Variants in LRP1B observed in about 807,000 individuals in gnomAD.
The protein encoded by LRP1B is low-density lipoprotein receptor-related protein 1B.
A neutral mutation model predicts 556.6 loss-of-function variants in LRP1B; 217 were observed. That is an observed-to-expected ratio of 0.39 (90% CI 0.35 to 0.44). LRP1B has a LOEUF of 0.44. LRP1B is among the 20% of genes least tolerant of loss of function. The pLI is 1.00. For synonymous variants in LRP1B, 2,047 were observed against 1,865.8 expected (o/e 1.10, Z -2.50); for missense variants, 5,053 against 5,620.8 (o/e 0.90, Z 3.23).
intron 7 of LRP1B, among the ~76,000 whole-genome samples, chr2:141,108,334 CTTTTTTTTTTTTTTTT>C (rs60275697): frequency 3.4e-5 from 3 of 88,514 alleles, no homozygotes; most frequent in Non-Finnish European, 6.3e-5. Flanking sequence ...TAATCTGTTT[CTTTTTTTTTTTTTTTT>C]TTTTTTTTTT....
At chr2:140,863,995 G>C (rs1183588303) in intron 27 of LRP1B, among the ~76,000 whole-genome samples, 1 of 151,618 alleles carries the variant, frequency 6.6e-6, no homozygotes, top group East Asian at 2.0e-4. Context: ...TCTGCTTGCA[G>C]AATGCAGTGA....
intron 2 of LRP1B, among the ~76,000 whole-genome samples, chr2:141,697,639 A>T (rs1184784260): frequency 6.6e-6 from 1 of 151,964 alleles, no homozygotes; most frequent in Non-Finnish European, 1.5e-5. Context: ...ACCAGGATAG[A>T]TCCCATAAGC....
chr2:140,274,556 A>G lies in LRP1B; in HGVS notation c.13010T>C (p.Ile4337Thr), dbSNP rs760587883. 3.1e-6 allele frequency: 5 copies of G among 1,612,304 alleles called. No individual in the cohort carries two copies. Among genetic ancestry groups the G allele is most frequent in the East Asian group, 2.2e-5 (1 of 44,816 alleles). The change falls in exon 85 of 91, where the codon ATT (isoleucine) becomes ACT (threonine). Residue 4337 changes from isoleucine to threonine, a missense_variant. By Grantham distance (89) the Ile-to-Thr change is moderately conservative (BLOSUM62 -1). Coordinates refer to ENST00000389484, the MANE Select transcript of LRP1B (RefSeq NM_018557.3). ...HYCVNSESCTIGDDGSVECVC... is the reference protein window; with the variant it reads ...HYCVNSESCTTGDDGSVECVC... The stretch of plus-strand genomic sequence containing the variant: ...ACATTCAACACTTCCATCATCCCCA[A>G]TGGTACATGATTCAGAATTCACACA...
At chr2:140,656,042 T>C (rs1684870064) in intron 41 of LRP1B, among the ~76,000 whole-genome samples, 1 of 152,188 alleles carries the variant, frequency 6.6e-6, no homozygotes, top group Admixed American at 6.5e-5. Context: ...AAGTGGTACA[T>C]AGGGGATTCA....
chr2:141,163,072 G>T (rs1336623159), intron 7 of LRP1B, among the ~76,000 whole-genome samples: 1 of 152,046 alleles, frequency 6.6e-6, no homozygotes, highest in African/African-American at 2.4e-5. Context: ...GTTCCAGGGA[G>T]AATCAAGCCT....
chr2:140,245,993 T>G (rs1181407602), intron 87 of LRP1B, among the ~76,000 whole-genome samples: 1 of 151,324 alleles, frequency 6.6e-6, no homozygotes, highest in Non-Finnish European at 1.5e-5. Flanking sequence ...CTATTTTCCA[T>G]TTTTCAAAGA....
At chr2:140,672,461 G>C (rs1685519809) in intron 41 of LRP1B, among the ~76,000 whole-genome samples, 1 of 127,698 alleles carries the variant, frequency 7.8e-6, no homozygotes, top group Non-Finnish European at 1.6e-5. Context: ...TCCAGCCTGG[G>C]TGACAGAATG....
chr2:140,538,911 T>A (rs1680030403), intron 45 of LRP1B, among the ~76,000 whole-genome samples: 1 of 152,164 alleles, frequency 6.6e-6, no homozygotes, highest in Admixed American at 6.6e-5. Context: ...AAGATAAATA[T>A]GTTTTTTACA....
In LRP1B at chr2:141,859,719, T is replaced by C. The variant is rs1349739388; in HGVS notation, c.83-49318A>G. 4.6e-5 allele frequency among the ~76,000 whole-genome samples: 7 copies of C among 152,312 alleles called. No homozygotes were observed. The South Asian group carries it at 1.0e-3, about 23-fold the overall frequency. On this transcript the variant is annotated intron_variant, in intron 1 of 90. Transcript: ENST00000389484. ...TATAATAATTACTATGATTTGATCA[T>C]TACACAGTATACATGTAGCAAAACA... is the stretch of plus-strand genomic sequence containing the variant.
chr2:141,310,992 C>T (rs1001595749), intron 3 of LRP1B, among the ~76,000 whole-genome samples: 6 of 152,152 alleles, frequency 3.9e-5, no homozygotes, highest in Non-Finnish European at 7.4e-5. Context: ...ACTTGGTCAT[C>T]CTTTTTCTGA....
At chr2:141,319,047 G>T (rs555005219) in intron 3 of LRP1B, among the ~76,000 whole-genome samples, 31 of 152,076 alleles carry the variant, frequency 2.0e-4, no homozygotes, top group African/African-American at 7.5e-4. Context: ...AATTGTAAGA[G>T]ACCTAAAGTT....
At chr2:141,126,884 C>T (rs534902609) in intron 7 of LRP1B, among the ~76,000 whole-genome samples, 1 of 152,188 alleles carries the variant, frequency 6.6e-6, no homozygotes, top group South Asian at 2.1e-4. Flanking sequence ...TTAAATTATA[C>T]TTTAAGTTCT....
At chr2:141,533,929 C>A (rs1020945694) in intron 2 of LRP1B, among the ~76,000 whole-genome samples, 18 of 152,158 alleles carry the variant, frequency 1.2e-4, no homozygotes, top group South Asian at 6.2e-4. Context: ...TATTTTTCTT[C>A]CTAAATTTTC....
chr2:142,054,599 CAT>C (rs1704591971), intron 1 of LRP1B, among the ~76,000 whole-genome samples: 1 of 152,144 alleles, frequency 6.6e-6, no homozygotes, highest in African/African-American at 2.4e-5. Context: ...TACGATGACA[CAT>C]AGTCAAATTC....
rs762725143 is a variant in LRP1B at position 140,501,820 on chromosome 2, C to T, written c.8717G>A (p.Ser2906Asn). 3.1e-6 allele frequency: 5 copies of T among 1,611,886 alleles called. No individual in the cohort carries two copies. The highest frequency in any genetic ancestry group is 2.7e-5 in the African/African-American group (2 of 74,820). ...FMCKNGRCIP[S>N]GGLCDNKDDC... Reference sequence around the variant, plus strand: ...ATCCTTATTGTCGCAAAGACCTCCACTGGGAATGCACCTGCCATTTTTGCA... The same window carrying T: ...ATCCTTATTGTCGCAAAGACCTCCATTGGGAATGCACCTGCCATTTTTGCA... Residue 2906 changes from serine to asparagine, a missense_variant, in exon 55 of 91, where the codon AGT becomes AAT. Physicochemically the swap from Ser to Asn is conservative, Grantham distance 46. This residue lies in a region of LRP1B where 3,619 missense variants were observed against 3,931.9 expected (regional missense o/e 0.92). Transcript: ENST00000389484.
chr2:140,335,667 A>C lies in LRP1B; in HGVS notation c.12064T>G (p.Leu4022Val), dbSNP rs185506429. The change falls in exon 78 of 91, where the codon TTA becomes GTA. Residue 4022 changes from leucine (L) to valine (V), a missense_variant. Leu to Val is a conservative substitution (Grantham distance 32). Transcript: ENST00000389484. Reference protein sequence around the residue: ...QLNGPNCTRLLTNMAGEPYAI... With the variant: ...QLNGPNCTRLVTNMAGEPYAI... ...TAGGGTTCTCCAGCCATATTTGTTA[A>C]GAGTCTGGTGCAGTTGGGGCCATTC... is the stretch of plus-strand genomic sequence containing the variant. The C allele has an allele frequency of 6.2e-7, 1 of 1,612,826 alleles. No homozygotes were observed. The highest frequency in any genetic ancestry group is 1.3e-5 in the African/African-American group (1 of 74,930).
chr2:140,281,121 C>A (rs1198521976), intron 84 of LRP1B, among the ~76,000 whole-genome samples: 1 of 151,794 alleles, frequency 6.6e-6, no homozygotes, highest in Non-Finnish European at 1.5e-5. Flanking sequence ...CTTTTTCTTT[C>A]TCTTTTAATG....
At chr2:141,126,376 G>A (rs1055485153) in intron 7 of LRP1B, among the ~76,000 whole-genome samples, 2 of 151,962 alleles carry the variant, frequency 1.3e-5, no homozygotes, top group Non-Finnish European at 2.9e-5. Context: ...CTTCTTCCTC[G>A]CCATTCGATT....
intron 36 of LRP1B, 126 bp downstream of exon 36, chr2:140,716,556 T>C: frequency 1.1e-6 from 1 of 930,942 alleles, no homozygotes; most frequent in East Asian, 2.7e-5. Flanking sequence ...AAAGAGACTA[T>C]TTACCCCTGT....
Sources: gnomAD v4.1 joint callset for allele counts (sites outside exome capture counted in the v4.1 genomes callset) on GRCh38, gnomAD v4.1.1 for gene constraint, gnomAD v4.1.1 regional missense constraint, MANE v1.5 for transcripts, NCBI Gene and HGNC (gene_info 2026-07-23, HGNC 2026-07-21) for gene names.